RTN1: variants seen among roughly 807,000 people sequenced by gnomAD.
The protein encoded by RTN1 is reticulon-1.
In RTN1, 25 loss-of-function variants were observed where a neutral mutation model predicts 65.5. The ratio of observed to expected loss-of-function variants is 0.38; its 90% CI spans 0.28 to 0.53. The LOEUF (loss-of-function observed/expected upper bound fraction) is 0.53. RTN1 is among the 20% of genes least tolerant of loss of function. The probability of loss-of-function intolerance (pLI) is 0.79; values close to 1 mark genes in which losing one functional copy is unlikely to be tolerated. For synonymous variants in RTN1, 471 were observed against 447.6 expected (o/e 1.05, Z -0.66); for missense variants, 983 against 1,025.4 (o/e 0.96, Z 0.57).
intron 3 of RTN1, among the ~76,000 whole-genome samples, chr14:59,672,121 C>T (rs893414890): frequency 1.3e-5 from 2 of 152,046 alleles, no homozygotes; most frequent in Non-Finnish European, 2.9e-5. Flanking sequence ...GGGAAGAGTG[C>T]CCTGGCTTTG....
chr14:59,768,820 T>C (rs949480261), intron 1 of RTN1, among the ~76,000 whole-genome samples: 16 of 152,344 alleles, frequency 1.1e-4, no homozygotes, highest in African/African-American at 3.1e-4. Flanking sequence ...GCAGAGTATA[T>C]GAGTTAACTC....
At chr14:59,813,897 G>T (rs974734923) in intron 1 of RTN1, among the ~76,000 whole-genome samples, 2 of 151,914 alleles carry the variant, frequency 1.3e-5, no homozygotes, top group Non-Finnish European at 2.9e-5. Context: ...ACTGATAGAC[G>T]TCATGATCAA....
At chr14:59,707,708 TACACACACACACACACACACAC>T (rs34046826) in intron 3 of RTN1, among the ~76,000 whole-genome samples, 4 of 145,674 alleles carry the variant, frequency 2.7e-5, no homozygotes, top group African/African-American at 1.0e-4. Context: ...CTCTCTCTTT[TACACACACACACACACACACAC>T]ACACACACAC....
chr14:59,684,068 T>C (rs1883797868), intron 3 of RTN1, among the ~76,000 whole-genome samples: 1 of 152,070 alleles, frequency 6.6e-6, no homozygotes, highest in African/African-American at 2.4e-5. Flanking sequence ...GTTTGCAATG[T>C]TATAATCACA....
intron 2 of RTN1, among the ~76,000 whole-genome samples, chr14:59,736,541 C>T (rs1051208133): frequency 6.6e-6 from 1 of 152,060 alleles, no homozygotes; most frequent in African/African-American, 2.4e-5. Context: ...AAATAGCCTA[C>T]CAACCAAACA....
intron 3 of RTN1, among the ~76,000 whole-genome samples, chr14:59,703,428 T>C (rs1186998719): frequency 6.6e-6 from 1 of 152,144 alleles, no homozygotes; most frequent in Non-Finnish European, 1.5e-5. Context: ...CATCTCACTC[T>C]CTTGCTCTCA....
At chr14:59,736,072 C>T (rs746426059) in intron 2 of RTN1, among the ~76,000 whole-genome samples, 8 of 152,006 alleles carry the variant, frequency 5.3e-5, no homozygotes, top group Non-Finnish European at 1.0e-4. Flanking sequence ...GCATTAAATG[C>T]CCACATTAAA....
chr14:59,676,973 A>T (rs144246817), intron 3 of RTN1, among the ~76,000 whole-genome samples: 166 of 152,306 alleles, frequency 1.1e-3, no homozygotes, highest in African/African-American at 3.8e-3. Flanking sequence ...GAACAGATTG[A>T]TCATTGTCAG....
chr14:59,599,596 A>AT (rs916458469), intron 8 of RTN1, among the ~76,000 whole-genome samples: 2 of 152,020 alleles, frequency 1.3e-5, no homozygotes, highest in African/African-American at 4.8e-5. Context: ...ATACATCTCC[A>AT]TTTTTTTCCA....
At chr14:59,755,537 TAGGCTGGG>T (rs895176993) in intron 1 of RTN1, among the ~76,000 whole-genome samples, 32 of 151,024 alleles carry the variant, frequency 2.1e-4, no homozygotes, top group African/African-American at 7.7e-4. Flanking sequence ...GCACAGAGGT[TAGGCTGGG>T]AGGCTTTTTC....
chr14:59,857,049 A>T (rs2139670726), intron 1 of RTN1, among the ~76,000 whole-genome samples: 1 of 152,300 alleles, frequency 6.6e-6, no homozygotes, highest in South Asian at 2.1e-4. Flanking sequence ...GTCAGGGCTC[A>T]TTCTGTACCA....
chr14:59,720,340 C>G (rs1884621726), intron 3 of RTN1, among the ~76,000 whole-genome samples: 1 of 152,178 alleles, frequency 6.6e-6, no homozygotes, highest in Non-Finnish European at 1.5e-5. Flanking sequence ...CAGCTGGCTG[C>G]TGGCAGCCTC....
At chr14:59,665,527 C>G (rs891401805) in intron 3 of RTN1, among the ~76,000 whole-genome samples, 1 of 152,168 alleles carries the variant, frequency 6.6e-6, no homozygotes, top group African/African-American at 2.4e-5. Context: ...GAAGAAACTG[C>G]ATCAATTAAC....
rs1303411947 is a variant in RTN1 at position 59,808,435 on chromosome 14, C to G, written c.242-61954G>C. 2.6e-5 allele frequency among the ~76,000 whole-genome samples: 4 copies of G among 152,188 alleles called. No individual in the cohort carries two copies. The East Asian group carries it at 7.7e-4, about 29-fold the overall frequency. On this transcript the variant is annotated intron_variant, in intron 1 of 8. Coordinates refer to ENST00000267484, the MANE Select transcript of RTN1 (RefSeq NM_021136.3). ...CAAACTTTGCACTTGAATAAGCTCT[C>G]TTTAAACTAGATTCTGACCCTTTTG...
chr14:59,819,281 T>G (rs967097290), intron 1 of RTN1, among the ~76,000 whole-genome samples: 5 of 151,874 alleles, frequency 3.3e-5, no homozygotes, highest in Non-Finnish European at 5.9e-5. Flanking sequence ...CCTAGGAGGT[T>G]GCAGTTGGGG....
chr14:59,712,537 G>A (rs1303680412), intron 3 of RTN1, among the ~76,000 whole-genome samples: 1 of 152,218 alleles, frequency 6.6e-6, no homozygotes, highest in African/African-American at 2.4e-5. Context: ...TTGGAAAGCA[G>A]TCAATCAAAC....
chr14:59,641,948 T>A (rs1024209341), intron 3 of RTN1, among the ~76,000 whole-genome samples: 4 of 152,234 alleles, frequency 2.6e-5, no homozygotes, highest in African/African-American at 4.8e-5. Context: ...CATCTCTTCC[T>A]GTCATACCAT....
At chr14:59,687,986 T>C (rs1367032479) in intron 3 of RTN1, among the ~76,000 whole-genome samples, 3 of 152,086 alleles carry the variant, frequency 2.0e-5, no homozygotes, top group African/African-American at 4.8e-5. Context: ...TGAAGAGATA[T>C]TGCTAAAGGG....
intron 1 of RTN1, among the ~76,000 whole-genome samples, chr14:59,769,082 C>T (rs1201635061): frequency 2.0e-5 from 3 of 152,002 alleles, no homozygotes; most frequent in East Asian, 1.9e-4. Context: ...TTCAAGACTA[C>T]GTCATTGAAT....
Sources: allele counts gnomAD v4.1 joint callset (sites outside exome capture counted in the v4.1 genomes callset), GRCh38; gene constraint gnomAD v4.1.1; transcripts MANE v1.5; gene names NCBI Gene and HGNC (gene_info 2026-07-23, HGNC 2026-07-21).